Variants in ALCAM observed in about 807,000 individuals in gnomAD.
ALCAM encodes CD166 antigen.
A neutral mutation model predicts 70.9 loss-of-function variants in ALCAM; 30 were observed. The observed-to-expected ratio is 0.42, with a 90% CI of 0.32 to 0.57. ALCAM has a LOEUF of 0.57. ALCAM is among the 20% of genes least tolerant of loss of function. ALCAM has a pLI of 0.11. For missense variants in ALCAM, 591 were observed against 695.1 expected, an observed-to-expected ratio of 0.85 and a Z score of 1.68; for synonymous variants, 249 against 242.5, an observed-to-expected ratio of 1.03 and a Z score of -0.25.
At chr3:105,418,465 C>G (rs979905331) in intron 1 of ALCAM, among the ~76,000 whole-genome samples, 1 of 151,472 alleles carries the variant, frequency 6.6e-6, no homozygotes, top group Admixed American at 6.6e-5. Flanking sequence ...AGATGTGCCT[C>G]TTTCAATCAG....
intron 14 of ALCAM, among the ~76,000 whole-genome samples, chr3:105,567,598 A>G (rs986522867): frequency 6.6e-6 from 1 of 152,136 alleles, no homozygotes; most frequent in African/African-American, 2.4e-5. Context: ...GAATTGTTCA[A>G]TATCAATATT....
chr3:105,527,723 C>G (rs138252746), intron 3 of ALCAM, among the ~76,000 whole-genome samples: 1 of 152,170 alleles, frequency 6.6e-6, no homozygotes, highest in East Asian at 1.9e-4. Context: ...AGAGTCTGCT[C>G]TGTGGTACAT....
chr3:105,467,016 G>A, intron 1 of ALCAM, among the ~76,000 whole-genome samples: 1 of 151,320 alleles, frequency 6.6e-6, no homozygotes, highest in East Asian at 1.9e-4. Flanking sequence ...CAACTGTGTA[G>A]AATGGAGTTT....
chr3:105,544,387 G>T (rs536839909), intron 8 of ALCAM, among the ~76,000 whole-genome samples: 1,811 of 151,604 alleles, frequency 0.012, 47 homozygotes, highest in African/African-American at 0.042. Context: ...TTGAAACCCA[G>T]TTTGGCTCTG....
chr3:105,432,154 C>G (rs1481277747), intron 1 of ALCAM, among the ~76,000 whole-genome samples: 1 of 152,110 alleles, frequency 6.6e-6, no homozygotes, highest in African/African-American at 2.4e-5. Context: ...CATGGAAATG[C>G]TCTTTCAAAT....
chr3:105,485,250 A>C (rs1397157514), intron 1 of ALCAM, among the ~76,000 whole-genome samples: 1 of 152,016 alleles, frequency 6.6e-6, no homozygotes, highest in Non-Finnish European at 1.5e-5. Context: ...GCTCCTGCTC[A>C]AAAAAATGCC....
chr3:105,390,450 G>GT, intron 1 of ALCAM, among the ~76,000 whole-genome samples: 1 of 151,706 alleles, frequency 6.6e-6, no homozygotes, highest in East Asian at 1.9e-4. Flanking sequence ...GGGTTGTTGG[G>GT]TTTTTTTCTT....
intron 6 of ALCAM, among the ~76,000 whole-genome samples, chr3:105,539,153 A>G (rs2152628644): frequency 6.6e-6 from 1 of 152,250 alleles, no homozygotes; most frequent in Non-Finnish European, 1.5e-5. Context: ...ATGATTTCAA[A>G]ATTTATTATT....
At chr3:105,558,297 TGTTATACAAACTG>T (rs773607615) in intron 14 of ALCAM, among the ~76,000 whole-genome samples, 7 of 152,192 alleles carry the variant, frequency 4.6e-5, no homozygotes, top group Non-Finnish European at 1.0e-4. Context: ...ATTTTCAATT[TGTTATACAAACTG>T]AAAGCCTGCT....
intron 14 of ALCAM, among the ~76,000 whole-genome samples, chr3:105,568,762 T>A (rs2152635708): frequency 6.6e-6 from 1 of 152,346 alleles, no homozygotes; most frequent in East Asian, 1.9e-4. Context: ...TGTAAAATTT[T>A]CTTTCAATTT....
At position 105,528,264 on chromosome 3, in the gene ALCAM, A is replaced by AT. The variant is rs377345254; in HGVS notation, c.395-3734dup. Among the ~76,000 whole-genome samples the AT allele has an allele frequency of 2.7e-3, 411 of 152,220 alleles. 6 individuals carry two copies. Among genetic ancestry groups the AT allele is most frequent in the South Asian group, 0.013 (61 of 4,822 alleles). ...GCTGGCTACATGCCAAAAAATATAC[A>AT]TTTTAGTAGGTTGCTGATTTTTAGA... On this transcript the variant is annotated intron_variant, in intron 3 of 15. Coordinates refer to ENST00000306107, the MANE Select transcript of ALCAM (RefSeq NM_001627.4).
At chr3:105,484,576 C>T (rs1330401048) in intron 1 of ALCAM, among the ~76,000 whole-genome samples, 1 of 151,964 alleles carries the variant, frequency 6.6e-6, no homozygotes, top group African/African-American at 2.4e-5. Context: ...TTTACCAAAA[C>T]TCAAGCTTTC....
intron 6 of ALCAM, among the ~76,000 whole-genome samples, chr3:105,536,560 G>A (rs181006578): frequency 3.9e-5 from 6 of 152,254 alleles, no homozygotes; most frequent in South Asian, 4.1e-4. Flanking sequence ...TTGGGTAGAC[G>A]GAGAAGTTCT....
chr3:105,425,182 T>G (rs150296426), intron 1 of ALCAM, among the ~76,000 whole-genome samples: 6 of 151,994 alleles, frequency 3.9e-5, no homozygotes, highest in African/African-American at 1.4e-4. Context: ...ACTTCATTAT[T>G]ATTGAATTCT....
chr3:105,472,559 A>G (rs891970733), intron 1 of ALCAM, among the ~76,000 whole-genome samples: 2 of 151,528 alleles, frequency 1.3e-5, no homozygotes, highest in Admixed American at 6.6e-5. Context: ...TATTCTGTCT[A>G]GAACAAAGAA....
chr3:105,406,582 T>G (rs1034827139), intron 1 of ALCAM, among the ~76,000 whole-genome samples: 1 of 152,032 alleles, frequency 6.6e-6, no homozygotes, highest in Non-Finnish European at 1.5e-5. Flanking sequence ...AATGCCTACA[T>G]TGGAAAGTTT....
At chr3:105,559,329 A>G (rs956314714) in intron 14 of ALCAM, among the ~76,000 whole-genome samples, 1 of 148,646 alleles carries the variant, frequency 6.7e-6, no homozygotes, top group East Asian at 1.9e-4. Flanking sequence ...TGTAATATAT[A>G]TGCTATTATA....
intron 1 of ALCAM, among the ~76,000 whole-genome samples, chr3:105,387,122 A>G (rs1254888353): frequency 6.6e-6 from 1 of 151,490 alleles, no homozygotes; most frequent in Non-Finnish European, 1.5e-5. Flanking sequence ...AGGACTAATT[A>G]TATGTTCCAC....
chr3:105,465,651 G>A (rs1937697010), intron 1 of ALCAM, among the ~76,000 whole-genome samples: 1 of 151,256 alleles, frequency 6.6e-6, no homozygotes, highest in South Asian at 2.1e-4. Flanking sequence ...AATCTATCAA[G>A]GTTGATAATC....
Sources: allele counts gnomAD v4.1 joint callset (sites outside exome capture counted in the v4.1 genomes callset), GRCh38; gene constraint gnomAD v4.1.1; transcripts MANE v1.5; gene names NCBI Gene and HGNC (gene_info 2026-07-23, HGNC 2026-07-21).